The following SMIM13 variants were observed in gnomAD, a reference collection of about 807,000 sequenced individuals.
SMIM13 encodes UPF0766 protein C6orf228.
Under a neutral mutation model 5.9 loss-of-function variants are expected in SMIM13, and 3 were observed. The observed-to-expected ratio is 0.51, with a 90% confidence interval of 0.23 to 1.31. The LOEUF (loss-of-function observed/expected upper bound fraction) is 1.31, where lower values mean the gene tolerates loss of function less well. Among genes scored for constraint, SMIM13 ranks in the 40% most tolerant of loss-of-function variants. SMIM13 has a pLI of 0.18. For synonymous variants in SMIM13, 55 were observed against 46.0 expected, an observed-to-expected ratio of 1.19 and a Z score of -0.79; for missense variants, 85 against 109.9, an observed-to-expected ratio of 0.77 and a Z score of 1.01.
Position 11,101,517 on chromosome 6 carries a change from G to C in SMIM13, c.76+7128G>C, listed in dbSNP as rs145006652. Among the ~76,000 whole-genome samples, 896 of 152,262 alleles carry C rather than the reference G, an allele frequency of 5.9e-3. 3 individuals are homozygous for C. Among genetic ancestry groups the C allele is most frequent in the South Asian group, 0.024 (116 of 4,818 alleles). On this transcript the variant is annotated intron_variant, in intron 1 of 1. Coordinates refer to ENST00000416247, the MANE Select transcript of SMIM13 (RefSeq NM_001135575.2). Reference sequence around the variant, plus strand: ...GGGCTTCCGAAGGAGGAGATGGAAGGAAACACCAAATCCATCTTGGAGGGG... The same window carrying C: ...GGGCTTCCGAAGGAGGAGATGGAAGCAAACACCAAATCCATCTTGGAGGGG...
intron 1 of SMIM13, among the ~76,000 whole-genome samples, chr6:11,099,583 G>A (rs1193859420): frequency 6.6e-6 from 1 of 152,246 alleles, no homozygotes; most frequent in Admixed American, 6.5e-5. Flanking sequence ...ACCTACAGAA[G>A]TGTCTGGCAC....
chr6:11,129,001 C>G (rs114648375), intron 1 of SMIM13, among the ~76,000 whole-genome samples: 2 of 151,244 alleles, frequency 1.3e-5, no homozygotes, highest in East Asian at 3.9e-4. Flanking sequence ...GTACTGTGAT[C>G]GTTCACCTGA....
chr6:11,114,575 G>T, intron 1 of SMIM13, among the ~76,000 whole-genome samples: 1 of 123,084 alleles, frequency 8.1e-6, no homozygotes, highest in Non-Finnish European at 1.7e-5. Flanking sequence ...GTATTGAGAT[G>T]GTCATGCACT....
At position 11,104,001 on chromosome 6, in the gene SMIM13, T is replaced by C. The variant is rs1469522743; in HGVS notation, c.76+9612T>C. The stretch of plus-strand genomic sequence containing the variant: ...TGATTGATTTACCCAAAAGCAACAT[T>C]TTTCATCTAAGGCCAAACAAATTCC... On this transcript the variant is annotated intron_variant, in intron 1 of 1. Coordinates refer to ENST00000416247, the MANE Select transcript of SMIM13 (RefSeq NM_001135575.2). 2.6e-6 allele frequency: 4 copies of C among 1,551,552 alleles called. No individual in the cohort carries two copies. The Admixed American group carries it at 7.8e-5, about 30-fold the overall frequency.
rs1315819531 is a variant in SMIM13 at position 11,134,696 on chromosome 6, T to C, written c.*94T>C. On this transcript the variant is annotated 3_prime_UTR_variant, in exon 2 of 2. Coordinates refer to ENST00000416247, the MANE Select transcript of SMIM13 (RefSeq NM_001135575.2). ...TACTAATGACTGAAGAACATTTGTA[T>C]TGGATTTTAAGTCGAATTTTAAAAA... 2 of 1,009,966 alleles carry C rather than the reference T, an allele frequency of 2.0e-6. No individual in the cohort carries two copies. Among genetic ancestry groups the C allele is most frequent in the African/African-American group, 3.3e-5 (2 of 60,620 alleles). The allele number at this position is 1,009,966 out of a possible 1,614,324, so 62.6% of individuals were successfully genotyped here.
At chr6:11,110,222 C>G (rs2113649829) in intron 1 of SMIM13, among the ~76,000 whole-genome samples, 1 of 152,316 alleles carries the variant, frequency 6.6e-6, no homozygotes, top group African/African-American at 2.4e-5. Context: ...GTACCCCTAC[C>G]CTGATCCCAT....
rs571325657 is a variant in SMIM13, at chr6:11,134,979, G to C, written c.*377G>C. On this transcript the variant is annotated 3_prime_UTR_variant, in exon 2 of 2. Coordinates refer to ENST00000416247, the MANE Select transcript of SMIM13 (RefSeq NM_001135575.2). ...TGAAATTGGGATGCATCTCATTACT[G>C]TCAACCAGGTGATAGTCATGTAACG... 5.1e-5 allele frequency: 8 copies of C among 156,656 alleles called. No individual in the cohort carries two copies. Among genetic ancestry groups the C allele is most frequent in the Non-Finnish European group, 9.9e-5 (7 of 71,044 alleles). 9.7% of individuals were successfully genotyped at this position (156,656 alleles called of 1,614,324 possible).
chr6:11,117,773 A>G (rs1176948591), intron 1 of SMIM13, among the ~76,000 whole-genome samples: 2 of 147,524 alleles, frequency 1.4e-5, no homozygotes, highest in Non-Finnish European at 3.0e-5. Flanking sequence ...TTTTTAAGAG[A>G]GGGTCTCTCT....
chr6:11,127,325 G>A (rs1292506567), intron 1 of SMIM13, among the ~76,000 whole-genome samples: 2 of 152,308 alleles, frequency 1.3e-5, no homozygotes, highest in Admixed American at 6.5e-5. Flanking sequence ...AGCTGGCACC[G>A]AAGCTGTAAG....
At chr6:11,101,539 G>A (rs903732693) in intron 1 of SMIM13, among the ~76,000 whole-genome samples, 6 of 152,164 alleles carry the variant, frequency 3.9e-5, no homozygotes, top group Non-Finnish European at 7.4e-5. Flanking sequence ...CCATCTTGGA[G>A]GGGTTTGGGG....
chr6:11,106,674 G>A (rs1311956428), intron 1 of SMIM13, among the ~76,000 whole-genome samples: 1 of 152,328 alleles, frequency 6.6e-6, no homozygotes, highest in Non-Finnish European at 1.5e-5. Context: ...TGGGGAGAGA[G>A]ATGAGCAAGG....
chr6:11,098,162 C>T (rs977773530), intron 1 of SMIM13, among the ~76,000 whole-genome samples: 4 of 152,200 alleles, frequency 2.6e-5, no homozygotes, highest in African/African-American at 9.7e-5. Context: ...TGACAGACTC[C>T]TTCACCTAGT....
In SMIM13 at chr6:11,138,474, CT is replaced by C. The variant is rs1195367891; in HGVS notation, c.*3874del. Reference sequence around the variant, plus strand: ...TCACCAAATACTGCTGCTGTGATTCCTTGAAGGAAATATTCTGTGGTCTGCT... The same window carrying C: ...TCACCAAATACTGCTGCTGTGATTCCTGAAGGAAATATTCTGTGGTCTGCT... On this transcript the variant is annotated 3_prime_UTR_variant, in exon 2 of 2. Transcript: ENST00000416247. The C allele has an allele frequency of 6.6e-6, 1 of 152,064 alleles. No homozygotes were observed. The highest frequency in any genetic ancestry group is 2.4e-5 in the African/African-American group (1 of 41,404). The allele number at this position is 152,064 out of a possible 1,614,324, so 9.4% of individuals were successfully genotyped here. A position where few individuals can be genotyped will look rare whatever the true frequency, so the allele number is the denominator to read the frequency against.
At position 11,137,373 on chromosome 6, in the gene SMIM13, T is replaced by C. The variant is rs1445873107; in HGVS notation, c.*2771T>C. On this transcript the variant is annotated 3_prime_UTR_variant, in exon 2 of 2. Coordinates refer to ENST00000416247, the MANE Select transcript of SMIM13 (RefSeq NM_001135575.2). The stretch of plus-strand genomic sequence containing the variant: ...GAAAGGCAAGATAGTGAACGCAGAA[T>C]TATTTATGTGGTATAGTGTTTGTTT... 2 of 151,802 alleles carry C rather than the reference T, an allele frequency of 1.3e-5. No homozygotes were observed. The highest frequency in any genetic ancestry group is 1.3e-4 in the Admixed American group (2 of 15,232). The allele number at this position is 151,802 out of a possible 1,614,324, so 9.4% of individuals were successfully genotyped here.
chr6:11,111,060 G>A (rs1431728487), intron 1 of SMIM13, among the ~76,000 whole-genome samples: 1 of 152,212 alleles, frequency 6.6e-6, no homozygotes, highest in Non-Finnish European at 1.5e-5. Context: ...CCAACAGACA[G>A]GGAAAGGGTT....
intron 1 of SMIM13, among the ~76,000 whole-genome samples, chr6:11,121,850 C>T (rs1300818570): frequency 1.3e-5 from 2 of 152,192 alleles, no homozygotes; most frequent in East Asian, 1.9e-4. Context: ...CATGGTCCTC[C>T]TGCAGCATTG....
chr6:11,112,344 C>T (rs1319053057), intron 1 of SMIM13, among the ~76,000 whole-genome samples: 6 of 152,122 alleles, frequency 3.9e-5, no homozygotes, highest in South Asian at 2.1e-4. Context: ...CTCCACCTCC[C>T]GGGTTCAAGT....
chr6:11,099,144 C>CT (rs930440955), intron 1 of SMIM13, among the ~76,000 whole-genome samples: 3 of 152,090 alleles, frequency 2.0e-5, no homozygotes, highest in African/African-American at 7.2e-5. Flanking sequence ...TTCTCTAACT[C>CT]TTATGTCTCT....
At chr6:11,099,805 T>C (rs756610045) in intron 1 of SMIM13, among the ~76,000 whole-genome samples, 1 of 152,176 alleles carries the variant, frequency 6.6e-6, no homozygotes, top group Non-Finnish European at 1.5e-5. Flanking sequence ...ATAGCCACTA[T>C]ATATTTTTAG....
Sources: allele counts gnomAD v4.1 joint callset (sites outside exome capture counted in the v4.1 genomes callset), GRCh38; gene constraint gnomAD v4.1.1; transcripts MANE v1.5; gene names NCBI Gene and HGNC (gene_info 2026-07-23, HGNC 2026-07-21).